Variants in SETD5 observed in about 807,000 individuals in gnomAD.
The protein encoded by SETD5 is SET domain containing 5, also known as histone-lysine N-methyltransferase SETD5.
A neutral mutation model predicts 153.3 loss-of-function variants in SETD5; 44 were observed. That is an observed-to-expected ratio of 0.29 (90% CI 0.23 to 0.37). The LOEUF (loss-of-function observed/expected upper bound fraction) is 0.37. SETD5 is among the 10% of genes least tolerant of loss of function. SETD5 has a pLI of 1.00. For missense variants in SETD5, 1,544 were observed against 1,768.0 expected (o/e 0.87, Z 2.27); for synonymous variants, 716 against 645.2 (o/e 1.11, Z -1.66).
rs933322341 is a variant in SETD5, at chr3:9,464,632, T to TTAC, written c.2689_2691dup (p.Thr897dup). The TTAC allele has an allele frequency of 6.2e-7, 1 of 1,613,896 alleles. No individual in the cohort carries two copies. The highest frequency in any genetic ancestry group is 1.3e-5 in the African/African-American group (1 of 74,930). ...CTCATGTTTTCACCAGTCACATCTC[T>TTAC]TACTACTGCTAGTCGCTGCAACACT... On this transcript the variant is annotated inframe_insertion, in exon 18 of 23. Coordinates refer to ENST00000402198, the MANE Select transcript of SETD5 (RefSeq NM_001080517.3).
chr3:9,414,664 G>C (rs1387445924), intron 1 of SETD5, among the ~76,000 whole-genome samples: 4 of 152,078 alleles, frequency 2.6e-5, no homozygotes, highest in Admixed American at 1.3e-4. Flanking sequence ...TCTCCGTAGT[G>C]TATTTTTTTA....
chr3:9,411,621 A>C (rs2036579246), intron 1 of SETD5, among the ~76,000 whole-genome samples: 1 of 152,226 alleles, frequency 6.6e-6, no homozygotes. Context: ...CTTTTCTCCT[A>C]AACATTATGA....
intron 1 of SETD5, among the ~76,000 whole-genome samples, chr3:9,409,998 G>GGGTA (rs1277518240): frequency 6.6e-6 from 1 of 152,126 alleles, no homozygotes; most frequent in East Asian, 1.9e-4. Context: ...TTTGCCCTTA[G>GGGTA]GGTATATCCC....
intron 17 of SETD5, among the ~76,000 whole-genome samples, chr3:9,455,168 CT>C (rs903600741): frequency 0.098 from 9,814 of 99,800 alleles, 293 homozygotes; most frequent in Middle Eastern, 0.2. Context: ...TTCTTTTTTT[CT>C]TTTTTTTTTT....
rs1033251111 is a variant in SETD5, at chr3:9,473,092, T to C, written c.3196-144T>C. 3.0e-5 allele frequency: 29 copies of C among 959,866 alleles called. 1 individual carries two copies. Among genetic ancestry groups the C allele is most frequent in the South Asian group, 2.3e-4 (13 of 55,734 alleles). The allele number at this position is 959,866 out of a possible 1,614,324, so 59.5% of individuals were successfully genotyped here. A position where few individuals can be genotyped will look rare whatever the true frequency, so the allele number is the denominator to read the frequency against. ...CTTTCATACTCCCCAAAAAAAGTTA[T>C]CAGGGTTGGTGTCTGCTTTGTTTGC... On this transcript the variant is annotated intron_variant, in intron 19 of 22. Transcript: ENST00000402198.
At chr3:9,439,782 C>T (rs1402920009) in intron 7 of SETD5, among the ~76,000 whole-genome samples, 1 of 152,106 alleles carries the variant, frequency 6.6e-6, no homozygotes, top group East Asian at 1.9e-4. Context: ...TACTCCTCTC[C>T]CCTCACTTCA....
At chr3:9,465,726 G>GCTCC (rs2044476474) in intron 18 of SETD5, among the ~76,000 whole-genome samples, 1 of 152,104 alleles carries the variant, frequency 6.6e-6, no homozygotes, top group Admixed American at 6.5e-5. Flanking sequence ...CTTTCTGGGT[G>GCTCC]AGGGAAAAAA....
chr3:9,458,517 G>A (rs60848685), intron 17 of SETD5, among the ~76,000 whole-genome samples: 10,548 of 152,178 alleles, frequency 0.069, 552 homozygotes, highest in Admixed American at 0.12. Flanking sequence ...GGCTGAAGTA[G>A]GAGGATGACT....
At chr3:9,398,843 TAG>T (rs931954215) in intron 1 of SETD5, among the ~76,000 whole-genome samples, 1 of 152,212 alleles carries the variant, frequency 6.6e-6, no homozygotes, top group Non-Finnish European at 1.5e-5. Flanking sequence ...ATTGATTCTA[TAG>T]AGTCCTTGCT....
At chr3:9,398,761 A>G (rs1189290126) in intron 1 of SETD5, among the ~76,000 whole-genome samples, 1 of 152,210 alleles carries the variant, frequency 6.6e-6, no homozygotes, top group Non-Finnish European at 1.5e-5. Context: ...AGTGTAGGAA[A>G]GAGCCCTGGT....
intron 3 of SETD5, 25 bp from the exon 4 acceptor site, chr3:9,433,820 T>C: frequency 1.2e-6 from 2 of 1,604,906 alleles, no homozygotes; most frequent in Non-Finnish European, 1.7e-6. Flanking sequence ...TATGCTATCA[T>C]GCATTGCTTT....
Position 9,429,098 on chromosome 3 carries a change from T to G in SETD5, c.71+89T>G, listed in dbSNP as rs1023518830. 5.9e-6 allele frequency: 5 copies of G among 854,194 alleles called. No individual in the cohort carries two copies. The African/African-American group carries it at 8.4e-5, about 14-fold the overall frequency. 52.9% of individuals were successfully genotyped at this position (854,194 alleles called of 1,614,324 possible). A position where few individuals can be genotyped will look rare whatever the true frequency, so the allele number is the denominator to read the frequency against. On this transcript the variant is annotated intron_variant, in intron 3 of 22. Transcript: ENST00000402198. ...ATAGCTAATAGGATAATATGTAGTA[T>G]TTTCTTAACCAGATCCTATTCCACT...
chr3:9,434,308 C>T lies in SETD5; in HGVS notation c.178-26C>T. The T allele has an allele frequency of 1.2e-6, 2 of 1,613,334 alleles. No homozygotes were observed. The highest frequency in any genetic ancestry group is 1.7e-6 in the Non-Finnish European group (2 of 1,179,274). ...AATTACGGAGCCCCTCCTCCTCCGA[C>T]ACCTCCTGCTTCTCCCCCTGTCCAG... On this transcript the variant is annotated intron_variant, in intron 4 of 22. Transcript: ENST00000402198. The surrounding 1 kb of genome is among the most constrained non-coding windows in gnomAD (Gnocchi z 5.6).
chr3:9,409,458 C>T (rs533445713), intron 1 of SETD5, among the ~76,000 whole-genome samples: 5 of 152,144 alleles, frequency 3.3e-5, no homozygotes, highest in Admixed American at 6.5e-5. Context: ...CTGGCAGTTA[C>T]TATTTTTGAC....
At chr3:9,409,608 A>C (rs547281392) in intron 1 of SETD5, among the ~76,000 whole-genome samples, 1 of 152,162 alleles carries the variant, frequency 6.6e-6, no homozygotes, top group Admixed American at 6.5e-5. Flanking sequence ...CCAAACCTGG[A>C]ATCAGCCATT....
intron 2 of SETD5, among the ~76,000 whole-genome samples, chr3:9,428,462 T>C (rs975469270): frequency 2.6e-5 from 4 of 152,224 alleles, no homozygotes; most frequent in Admixed American, 2.0e-4. Flanking sequence ...AACTGGGATA[T>C]TTTTAATAAC....
At chr3:9,463,584 A>G (rs2044227461) in intron 17 of SETD5, among the ~76,000 whole-genome samples, 1 of 152,224 alleles carries the variant, frequency 6.6e-6, no homozygotes, top group Admixed American at 6.5e-5. Flanking sequence ...GTCAAAAAGA[A>G]TGTGAACCTA....
At chr3:9,406,958 A>G (rs2035798455) in intron 1 of SETD5, among the ~76,000 whole-genome samples, 1 of 152,242 alleles carries the variant, frequency 6.6e-6, no homozygotes, top group African/African-American at 2.4e-5. Flanking sequence ...ATATTATGTA[A>G]GTGTACTAAA....
intron 18 of SETD5, 100 bp from the exon 19 acceptor site, chr3:9,470,357 TTA>T: frequency 1.2e-6 from 1 of 857,440 alleles, no homozygotes; most frequent in Non-Finnish European, 1.9e-6. Flanking sequence ...TCCGTCCCTC[TTA>T]TCTTTCCCTG....
Sources: gnomAD v4.1 joint callset for allele counts (sites outside exome capture counted in the v4.1 genomes callset) on GRCh38, gnomAD v4.1.1 for gene constraint, Gnocchi (gnomAD v3.1) non-coding constraint, MANE v1.5 for transcripts, NCBI Gene and HGNC (gene_info 2026-07-23, HGNC 2026-07-21) for gene names.